GPC5: variants seen among roughly 807,000 people sequenced by gnomAD.
GPC5 encodes glypican-5.
In GPC5, 47 loss-of-function variants were observed where a neutral mutation model predicts 53.9. That is an observed-to-expected ratio of 0.87 (90% CI 0.69 to 1.11). The LOEUF (loss-of-function observed/expected upper bound fraction) is 1.11. Ranked by LOEUF, GPC5 falls within the 50% of genes most tolerant of loss-of-function variation. The pLI, the probability that GPC5 is intolerant of heterozygous loss-of-function variation, is 0.00. For missense variants in GPC5, 748 were observed against 713.1 expected (o/e 1.05, Z -0.56); for synonymous variants, 286 against 263.3 (o/e 1.09, Z -0.84).
chr13:91,984,164 AATT>A (rs1246992820), intron 6 of GPC5, among the ~76,000 whole-genome samples: 1 of 152,100 alleles, frequency 6.6e-6, no homozygotes, highest in East Asian at 1.9e-4. Flanking sequence ...TTGTTTTAGC[AATT>A]ATTATTGAGA....
chr13:91,660,881 A>T (rs1011236196), intron 2 of GPC5, among the ~76,000 whole-genome samples: 1 of 152,134 alleles, frequency 6.6e-6, no homozygotes, highest in African/African-American at 2.4e-5. Flanking sequence ...GGCTAAAAAA[A>T]TCTCTAGTCT....
chr13:92,595,818 C>A (rs1415416780), intron 7 of GPC5, among the ~76,000 whole-genome samples: 2 of 148,116 alleles, frequency 1.4e-5, no homozygotes, highest in Non-Finnish European at 3.0e-5. Flanking sequence ...ATGGAGTAAT[C>A]TTTTCGGTAA....
chr13:92,064,761 A>G (rs905339620), intron 6 of GPC5, among the ~76,000 whole-genome samples: 3 of 146,496 alleles, frequency 2.0e-5, no homozygotes, highest in African/African-American at 5.0e-5. Flanking sequence ...CGTCTCAAAA[A>G]AAAAAAACAA....
chr13:92,533,412 T>C (rs1423966595), intron 7 of GPC5, among the ~76,000 whole-genome samples: 1 of 152,216 alleles, frequency 6.6e-6, no homozygotes, highest in African/African-American at 2.4e-5. Context: ...CATCAGAACA[T>C]TTCTTTATAA....
chr13:91,445,769 C>G (rs562220594), intron 1 of GPC5, among the ~76,000 whole-genome samples: 1 of 152,178 alleles, frequency 6.6e-6, no homozygotes, highest in African/African-American at 2.4e-5. Flanking sequence ...GCCACCATGC[C>G]CAAGCAAAAT....
intron 7 of GPC5, among the ~76,000 whole-genome samples, chr13:92,252,417 G>C (rs1178489768): frequency 6.6e-6 from 1 of 151,990 alleles, no homozygotes; most frequent in Non-Finnish European, 1.5e-5. Flanking sequence ...TATATCTACT[G>C]TGTTAAAGAC....
At chr13:91,865,280 C>T (rs1480975473) in intron 5 of GPC5, among the ~76,000 whole-genome samples, 1 of 151,922 alleles carries the variant, frequency 6.6e-6, no homozygotes, top group Admixed American at 6.6e-5. Flanking sequence ...CATGGGAGAT[C>T]CCCAAACAAA....
intron 7 of GPC5, among the ~76,000 whole-genome samples, chr13:92,663,253 A>G (rs900211961): frequency 6.6e-6 from 1 of 152,056 alleles, no homozygotes; most frequent in African/African-American, 2.4e-5. Context: ...ATAGTGTGGG[A>G]AAAATTTAAT....
intron 3 of GPC5, among the ~76,000 whole-genome samples, chr13:91,727,552 G>A (rs2036601763): frequency 6.6e-6 from 1 of 152,102 alleles, no homozygotes; most frequent in Non-Finnish European, 1.5e-5. Context: ...ATAAATATGG[G>A]TAAAATAAAT....
intron 2 of GPC5, among the ~76,000 whole-genome samples, chr13:91,668,208 C>G (rs1021247104): frequency 2.6e-5 from 4 of 152,178 alleles, no homozygotes; most frequent in Non-Finnish European, 5.9e-5. Flanking sequence ...TCACCACATA[C>G]AGTGGTGTTG....
chr13:92,598,543 AT>A (rs1174552628), intron 7 of GPC5, among the ~76,000 whole-genome samples: 1 of 152,028 alleles, frequency 6.6e-6, no homozygotes, highest in East Asian at 1.9e-4. Flanking sequence ...TTTTTATTCT[AT>A]GTTAGATAAC....
intron 5 of GPC5, among the ~76,000 whole-genome samples, chr13:91,762,073 T>C (rs1449540903): frequency 6.6e-6 from 1 of 152,234 alleles, no homozygotes; most frequent in Non-Finnish European, 1.5e-5. Context: ...TGCCACATTA[T>C]TTCTACTTCA....
intron 5 of GPC5, among the ~76,000 whole-genome samples, chr13:91,868,692 GAGACCTTGTCTCAAAAAA>G (rs1161993021): frequency 6.6e-6 from 1 of 152,122 alleles, no homozygotes; most frequent in Non-Finnish European, 1.5e-5. Flanking sequence ...GTGACAGAAT[GAGACCTTGTCTCAAAAAA>G]GAATTAGAGA....
chr13:92,771,685 T>TC (rs1431231451), intron 7 of GPC5, among the ~76,000 whole-genome samples: 1 of 152,084 alleles, frequency 6.6e-6, no homozygotes, highest in African/African-American at 2.4e-5. Context: ...CAAAGATACC[T>TC]CTAGACGACA....
chr13:92,794,138 A>T (rs1402093250), intron 7 of GPC5, among the ~76,000 whole-genome samples: 1 of 152,198 alleles, frequency 6.6e-6, no homozygotes, highest in East Asian at 1.9e-4. Flanking sequence ...ATCCTCAATA[A>T]AATACTGACA....
At chr13:92,528,991 G>A (rs1309582707) in intron 7 of GPC5, among the ~76,000 whole-genome samples, 1 of 151,920 alleles carries the variant, frequency 6.6e-6, no homozygotes, top group Admixed American at 6.6e-5. Context: ...CATTATTACT[G>A]CACCAGTGTC....
At chr13:91,829,991 TC>T (rs1214860682) in intron 5 of GPC5, among the ~76,000 whole-genome samples, 1 of 152,040 alleles carries the variant, frequency 6.6e-6, no homozygotes, top group Non-Finnish European at 1.5e-5. Context: ...ATTGATAACA[TC>T]TTATCAGGAG....
At chr13:91,813,861 G>A (rs1371837064) in intron 5 of GPC5, among the ~76,000 whole-genome samples, 1 of 142,642 alleles carries the variant, frequency 7.0e-6, no homozygotes, top group Admixed American at 7.1e-5. Context: ...GTTAAATCTT[G>A]TTCATGTGTA....
chr13:92,351,068 A>T (rs2043473310), intron 7 of GPC5, among the ~76,000 whole-genome samples: 1 of 151,990 alleles, frequency 6.6e-6, no homozygotes, highest in African/African-American at 2.4e-5. Flanking sequence ...CTGCACAAAT[A>T]TCCACAATGA....
Sources: gnomAD v4.1 joint callset for allele counts (sites outside exome capture counted in the v4.1 genomes callset) on GRCh38, gnomAD v4.1.1 for gene constraint, MANE v1.5 for transcripts, NCBI Gene and HGNC (gene_info 2026-07-23, HGNC 2026-07-21) for gene names.